The following THSD7B variants were observed in gnomAD, a reference collection of about 807,000 sequenced individuals.
THSD7B encodes the protein thrombospondin type 1 domain containing 7B.
In THSD7B, 138 loss-of-function variants were observed where a neutral mutation model predicts 213.6. The ratio of observed to expected loss-of-function variants is 0.65; its 90% CI spans 0.56 to 0.74. THSD7B has a LOEUF of 0.74. Among genes scored for constraint, THSD7B ranks in the 30% least tolerant of loss-of-function variants. THSD7B has a pLI of 0.00. For synonymous variants in THSD7B, 742 were observed against 687.0 expected (o/e 1.08, Z -1.25); for missense variants, 1,931 against 1,991.5 (o/e 0.97, Z 0.58).
chr2:137,363,863 A>G (rs187857996), intron 12 of THSD7B, among the ~76,000 whole-genome samples: 204 of 152,326 alleles, frequency 1.3e-3, no homozygotes, highest in African/African-American at 4.7e-3. Context: ...CAATAGAAAA[A>G]GGGGGAATCC....
intron 5 of THSD7B, among the ~76,000 whole-genome samples, chr2:137,127,484 T>C (rs1460557715): frequency 6.6e-6 from 1 of 152,170 alleles, no homozygotes; most frequent in Non-Finnish European, 1.5e-5. Flanking sequence ...TTTGGTAAAA[T>C]GAAATTAAGT....
chr2:137,060,062 G>A (rs1573795544), intron 3 of THSD7B, among the ~76,000 whole-genome samples: 2 of 151,996 alleles, frequency 1.3e-5, no homozygotes, highest in African/African-American at 4.8e-5. Flanking sequence ...TTTGCCATTC[G>A]AATAGGTGTG....
intron 12 of THSD7B, among the ~76,000 whole-genome samples, chr2:137,284,272 T>G (rs1049249711): frequency 6.6e-6 from 1 of 152,176 alleles, no homozygotes; most frequent in Non-Finnish European, 1.5e-5. Context: ...TTATTGCATC[T>G]ATTTGATTCT....
intron 9 of THSD7B, among the ~76,000 whole-genome samples, chr2:137,235,856 G>A (rs1681752137): frequency 6.6e-6 from 1 of 152,114 alleles, no homozygotes; most frequent in Non-Finnish European, 1.5e-5. Context: ...CATTGCTAAT[G>A]ACTTTCTGTA....
intron 10 of THSD7B, among the ~76,000 whole-genome samples, chr2:137,264,284 G>A (rs527307331): frequency 2.1e-5 from 3 of 144,736 alleles, no homozygotes; most frequent in South Asian, 2.2e-4. Context: ...ACAGAGTCTC[G>A]CTCTCTTGCC....
chr2:136,794,811 T>C (rs1338999775), intron 1 of THSD7B, among the ~76,000 whole-genome samples: 1 of 151,068 alleles, frequency 6.6e-6, no homozygotes, highest in Non-Finnish European at 1.5e-5. Flanking sequence ...ATGATGATAG[T>C]GGATTTGTCT....
chr2:137,328,821 C>T (rs1684428511), intron 12 of THSD7B, among the ~76,000 whole-genome samples: 1 of 152,152 alleles, frequency 6.6e-6, no homozygotes, highest in South Asian at 2.1e-4. Context: ...GCCCCCTCCC[C>T]AGCTTTGTTC....
At chr2:136,824,717 A>T (rs966436934) in intron 1 of THSD7B, among the ~76,000 whole-genome samples, 1 of 152,146 alleles carries the variant, frequency 6.6e-6, no homozygotes, top group South Asian at 2.1e-4. Context: ...TAAAAAATGG[A>T]TAAGGTGATG....
At chr2:137,049,778 C>T (rs1351344324) in intron 2 of THSD7B, among the ~76,000 whole-genome samples, 1 of 152,086 alleles carries the variant, frequency 6.6e-6, no homozygotes, top group African/African-American at 2.4e-5. Flanking sequence ...GTCACAGAGG[C>T]CAAAGACCAG....
chr2:137,235,789 C>T (rs1681750730), intron 9 of THSD7B, among the ~76,000 whole-genome samples: 1 of 152,150 alleles, frequency 6.6e-6, no homozygotes, highest in South Asian at 2.1e-4. Flanking sequence ...GGTTTACCAA[C>T]ACAGAAAAAT....
intron 3 of THSD7B, among the ~76,000 whole-genome samples, chr2:137,082,902 T>C (rs1558913880): frequency 6.6e-6 from 1 of 152,120 alleles, no homozygotes; most frequent in Non-Finnish European, 1.5e-5. Flanking sequence ...CATTTTGATA[T>C]AACATCACAC....
intron 12 of THSD7B, among the ~76,000 whole-genome samples, chr2:137,335,364 C>T (rs545369916): frequency 1.3e-5 from 2 of 152,152 alleles, no homozygotes; most frequent in African/African-American, 4.8e-5. Flanking sequence ...TCCAGGGGCT[C>T]TATAAACTGA....
intron 15 of THSD7B, among the ~76,000 whole-genome samples, chr2:137,506,461 A>C (rs1426811726): frequency 6.6e-6 from 1 of 152,234 alleles, no homozygotes; most frequent in Non-Finnish European, 1.5e-5. Context: ...ATGCTAATGG[A>C]AACCAATTAA....
chr2:136,826,547 T>C (rs1236703190), intron 1 of THSD7B, among the ~76,000 whole-genome samples: 1 of 152,162 alleles, frequency 6.6e-6, no homozygotes, highest in Non-Finnish European at 1.5e-5. Context: ...CTCTTTCTTC[T>C]CTCTTCTTCT....
chr2:137,225,019 T>C (rs992837690), intron 7 of THSD7B, among the ~76,000 whole-genome samples: 43 of 152,374 alleles, frequency 2.8e-4, no homozygotes, highest in African/African-American at 9.9e-4. Flanking sequence ...ATGTTCATTT[T>C]AGCCTTTGCT....
At chr2:136,796,980 T>TCACACACACACACACACACACA (rs58116447) in intron 1 of THSD7B, among the ~76,000 whole-genome samples, 3 of 146,948 alleles carry the variant, frequency 2.0e-5, no homozygotes, top group Admixed American at 6.8e-5. Flanking sequence ...TCATATTTGA[T>TCACACACACACACACACACACA]CACACACACA....
chr2:137,282,579 G>T (rs1409729874), intron 12 of THSD7B, among the ~76,000 whole-genome samples: 1 of 152,068 alleles, frequency 6.6e-6, no homozygotes, highest in African/African-American at 2.4e-5. Flanking sequence ...ATTAATTTTT[G>T]TATAAGGTGT....
At chr2:137,314,645 C>G (rs143612596) in intron 12 of THSD7B, among the ~76,000 whole-genome samples, 8,465 of 152,210 alleles carry the variant, frequency 0.056, 319 homozygotes, top group East Asian at 0.099. Context: ...GTTTTATCTA[C>G]TTTTGGTCTT....
intron 13 of THSD7B, among the ~76,000 whole-genome samples, chr2:137,408,746 T>A (rs1463357187): frequency 6.6e-6 from 1 of 152,204 alleles, no homozygotes; most frequent in Non-Finnish European, 1.5e-5. Context: ...AGCTTGTAGA[T>A]GCTGTGCAAG....
Sources: gnomAD v4.1 joint callset for allele counts (sites outside exome capture counted in the v4.1 genomes callset) on GRCh38, gnomAD v4.1.1 for gene constraint, MANE v1.5 for transcripts, NCBI Gene and HGNC (gene_info 2026-07-23, HGNC 2026-07-21) for gene names.